SPAG6: variants seen among roughly 807,000 people sequenced by gnomAD.
SPAG6 encodes the protein sperm associated antigen 6.
SPAG6 carries 49 observed loss-of-function variants against 58.5 expected under a neutral mutation model. The ratio of observed to expected loss-of-function variants is 0.84; its 90% CI spans 0.67 to 1.06. The LOEUF is 1.06. Among genes scored for constraint, SPAG6 ranks in the 50% least tolerant of loss-of-function variants. The pLI is 0.00. For missense variants in SPAG6, 560 were observed against 611.3 expected, an observed-to-expected ratio of 0.92 and a Z score of 0.89; for synonymous variants, 233 against 225.6, an observed-to-expected ratio of 1.03 and a Z score of -0.29.
intron 2 of SPAG6, chr10:22,360,924 T>C: frequency 3.4e-6 from 3 of 874,388 alleles, no homozygotes; most frequent in Non-Finnish European, 5.5e-6. Context: ...TTGTCACCAT[T>C]TTTATGCAGT....
rs567114410 is a variant in SPAG6 at position 22,375,468 on chromosome 10, G to C, written c.472+6790G>C. Among the ~76,000 whole-genome samples the C allele has an allele frequency of 4.6e-5, 7 of 152,206 alleles. No individual in the cohort carries two copies. In the South Asian group the frequency reaches 1.2e-3, roughly 27 times the overall value. On this transcript the variant is annotated intron_variant, in intron 4 of 10. Transcript: ENST00000376624. Reference sequence around the variant, plus strand: ...TAGGAGCTGTATTCTCATCATGTTAGCTGACTGATTTTGCACAGTTAATTT... The same window carrying C: ...TAGGAGCTGTATTCTCATCATGTTACCTGACTGATTTTGCACAGTTAATTT...
At position 22,345,853 on chromosome 10, in the gene SPAG6, C is replaced by T. The variant is rs1836509445; in HGVS notation, c.121+35C>T. On this transcript the variant is annotated intron_variant, in intron 2 of 10. Transcript: ENST00000376624. This position sits in a 1 kb window ranked among gnomAD's most constrained non-coding sequence, Gnocchi z 6.3. ...GAGCCCGAACCCCCGTCGCCCCCCG[C>T]GCACTGAGTCCCCGACGCCTCCGCC... 8 of 1,597,366 alleles carry T rather than the reference C, an allele frequency of 5.0e-6. No individual in the cohort carries two copies. The highest frequency in any genetic ancestry group is 6.0e-6 in the Non-Finnish European group (7 of 1,172,494).
At chr10:22,393,235 T>TCTC (rs1834221728) in intron 8 of SPAG6, among the ~76,000 whole-genome samples, 1 of 152,132 alleles carries the variant, frequency 6.6e-6, no homozygotes, top group Admixed American at 6.6e-5. Context: ...TTGTTGTTTT[T>TCTC]CTCCTCCTCC....
rs764189134 is a variant in SPAG6, at chr10:22,411,142, A to G, written c.1426A>G (p.Ser476Gly). Reference protein sequence around the residue: ...PGSLLQEYINSINSCYPEEIV... With the variant: ...PGSLLQEYINGINSCYPEEIV... Reference sequence around the variant, plus strand: ...TTCTCTCCTTCAAGAATACATCAACAGTATTAACAGTTGTTACCCCGAGGA... The same window carrying G: ...TTCTCTCCTTCAAGAATACATCAACGGTATTAACAGTTGTTACCCCGAGGA... The change falls in exon 10 of 11, where the codon AGT becomes GGT. Residue 476 changes from serine to glycine, a missense_variant. Coordinates refer to ENST00000376624, the MANE Select transcript of SPAG6 (RefSeq NM_012443.4). The G allele has an allele frequency of 3.7e-6, 6 of 1,612,916 alleles. No individual in the cohort carries two copies. Among genetic ancestry groups the G allele is most frequent in the East Asian group, 2.2e-5 (1 of 44,870 alleles).
chr10:22,357,854 G>A (rs1436095848), intron 2 of SPAG6, among the ~76,000 whole-genome samples: 1 of 150,912 alleles, frequency 6.6e-6, no homozygotes, highest in Non-Finnish European at 1.5e-5. Context: ...TTGTTCTTGC[G>A]ATAGTTTACT....
At chr10:22,358,877 T>A (rs895721088) in intron 2 of SPAG6, among the ~76,000 whole-genome samples, 1 of 152,226 alleles carries the variant, frequency 6.6e-6, no homozygotes, top group Non-Finnish European at 1.5e-5. Context: ...TTTGTTCTAA[T>A]CTTCCTAGAA....
chr10:22,365,747 G>A (rs1002216165), intron 3 of SPAG6, among the ~76,000 whole-genome samples: 31 of 151,934 alleles, frequency 2.0e-4, no homozygotes, highest in Non-Finnish European at 8.8e-5. Flanking sequence ...TTGAAAAATC[G>A]ACAAAGGAAT....
chr10:22,346,224 C>T (rs1415006260), intron 2 of SPAG6, among the ~76,000 whole-genome samples: 2 of 152,132 alleles, frequency 1.3e-5, no homozygotes, highest in East Asian at 3.9e-4. Context: ...CGTGATTTCT[C>T]GTCTTGCTTT....
rs1834100111 is a variant in SPAG6, at chr10:22,387,701, T to G, written c.679-122T>G. 4.6e-6 allele frequency: 4 copies of G among 871,214 alleles called. No individual in the cohort carries two copies. The African/African-American group carries it at 5.2e-5, about 11-fold the overall frequency. 54.0% of individuals were successfully genotyped at this position (871,214 alleles called of 1,614,324 possible). ...TCAGAAATCTTAGGCTGTTTAGGCATGTACATTTTTTTCCTTTTATAAAGG... is the reference window on the plus strand; with the variant it reads ...TCAGAAATCTTAGGCTGTTTAGGCAGGTACATTTTTTTCCTTTTATAAAGG... On this transcript the variant is annotated intron_variant, in intron 5 of 10. Transcript: ENST00000376624.
At position 22,386,732 on chromosome 10, in the gene SPAG6, A is replaced by C; in HGVS notation, c.473-22A>C. On this transcript the variant is annotated intron_variant, in intron 4 of 10. Transcript: ENST00000376624. ...AGGGTCAGTCACCCATACTCACTTA[A>C]TTACTTTTCTTGGACCCACAGAACT... 3.7e-6 allele frequency: 6 copies of C among 1,604,312 alleles called. No individual in the cohort carries two copies. In the South Asian group the frequency reaches 5.5e-5, roughly 15 times the overall value.
chr10:22,372,067 AT>A (rs1833711783), intron 4 of SPAG6, among the ~76,000 whole-genome samples: 1 of 152,130 alleles, frequency 6.6e-6, no homozygotes, highest in Admixed American at 6.5e-5. Context: ...CTGAGGTAGA[AT>A]TCTTCTCAGA....
intron 4 of SPAG6, among the ~76,000 whole-genome samples, chr10:22,373,586 T>C (rs1046465522): frequency 6.6e-5 from 10 of 152,164 alleles, no homozygotes; most frequent in African/African-American, 2.4e-4. Flanking sequence ...ATGGTTTTTC[T>C]TAGAGGGGGA....
At chr10:22,380,591 G>A (rs1003902214) in intron 4 of SPAG6, among the ~76,000 whole-genome samples, 4 of 152,076 alleles carry the variant, frequency 2.6e-5, no homozygotes, top group African/African-American at 9.7e-5. Context: ...ACAGGCATGA[G>A]CCACTGTACC....
chr10:22,380,770 G>A (rs1833934143), intron 4 of SPAG6, among the ~76,000 whole-genome samples: 2 of 151,948 alleles, frequency 1.3e-5, no homozygotes, highest in African/African-American at 4.8e-5. Flanking sequence ...ATTTTTTAAT[G>A]AAACAAAATA....
In SPAG6 at chr10:22,389,247, A is replaced by T; in HGVS notation, c.940A>T (p.Ile314Phe). The T allele has an allele frequency of 6.2e-7, 1 of 1,613,168 alleles. No homozygotes were observed. The highest frequency in any genetic ancestry group is 1.1e-5 in the South Asian group (1 of 91,034). The change falls in exon 7 of 11, where the codon ATC becomes TTC. Residue 314 changes from isoleucine to phenylalanine, a missense_variant. Coordinates refer to ENST00000376624, the MANE Select transcript of SPAG6 (RefSeq NM_012443.4). ...SCKGNTRLPGIMMLGYVAAHS... is the reference protein window; with the variant it reads ...SCKGNTRLPGFMMLGYVAAHS... ...CAAAGGGAACACACGGCTGCCTGGC[A>T]TCATGATGCTTGGTTATGTAGCAGC... is the stretch of plus-strand genomic sequence containing the variant.
At position 22,391,766 on chromosome 10, in the gene SPAG6, C is replaced by A. The variant is rs748596463; in HGVS notation, c.1043C>A (p.Pro348Gln). Residue 348 changes from proline (P) to glutamine (Q), a missense_variant, in exon 8 of 11, where the codon CCG (proline) becomes CAG (glutamine). Pro to Gln is a moderately conservative substitution (Grantham distance 76). Transcript: ENST00000376624. ...PQLSVCLSEEPEDHIKAAAAW... is the reference protein window; with the variant it reads ...PQLSVCLSEEQEDHIKAAAAW... Reference sequence around the variant, plus strand: ...TTGTCAGTCTGCTTGTCAGAAGAACCGGAAGATCATATTAAGGCTGCAGCT... The same window carrying A: ...TTGTCAGTCTGCTTGTCAGAAGAACAGGAAGATCATATTAAGGCTGCAGCT... The A allele has an allele frequency of 1.5e-5, 24 of 1,613,320 alleles. No homozygotes were observed. The highest frequency in any genetic ancestry group is 2.0e-5 in the Non-Finnish European group (24 of 1,179,692).
intron 2 of SPAG6, among the ~76,000 whole-genome samples, chr10:22,349,080 C>A (rs1836646164): frequency 6.6e-6 from 1 of 152,082 alleles, no homozygotes; most frequent in Non-Finnish European, 1.5e-5. Flanking sequence ...AACTCCTGAC[C>A]TCAAAGGATC....
rs114450481 is a variant in SPAG6 at position 22,389,837 on chromosome 10, C to T, written c.1005+525C>T. Among the ~76,000 whole-genome samples the T allele has an allele frequency of 7.9e-3, 1,202 of 152,228 alleles. 11 individuals carry two copies. Among genetic ancestry groups the T allele is most frequent in the African/African-American group, 0.028 (1,151 of 41,544 alleles). On this transcript the variant is annotated intron_variant, in intron 7 of 10. Coordinates refer to ENST00000376624, the MANE Select transcript of SPAG6 (RefSeq NM_012443.4). ...AGAGCACATGTCAGTGTTTTTGTTT[C>T]CTTGCTCTAGGGCTTTTGCTTTATC...
chr10:22,416,697 A>T lies in SPAG6; in HGVS notation c.*9A>T. On this transcript the variant is annotated 3_prime_UTR_variant, in exon 11 of 11. Transcript: ENST00000376624. ...AACCACTTAATAACTGAGCAAAGTT[A>T]TATTGTGATACTCAAATTCACAGCA... 6.4e-7 allele frequency: 1 copy of T among 1,550,492 alleles called. No homozygotes were observed. Among genetic ancestry groups the T allele is most frequent in the South Asian group, 1.1e-5 (1 of 89,324 alleles).
Sources: allele counts gnomAD v4.1 joint callset (sites outside exome capture counted in the v4.1 genomes callset), GRCh38; gene constraint gnomAD v4.1.1; non-coding constraint Gnocchi (gnomAD v3.1); transcripts MANE v1.5; gene names NCBI Gene and HGNC (gene_info 2026-07-23, HGNC 2026-07-21).